SHC4: variants seen among roughly 807,000 people sequenced by gnomAD.
SHC4 encodes the protein SHC-transforming protein 4.
A neutral mutation model predicts 69.4 loss-of-function variants in SHC4; 41 were observed. The observed-to-expected ratio is 0.59, with a 90% CI of 0.46 to 0.77. The LOEUF (loss-of-function observed/expected upper bound fraction) is 0.77, where lower values mean the gene tolerates loss of function less well. Ranked by LOEUF, SHC4 falls within the 30% of genes least tolerant of loss-of-function variation. The probability of loss-of-function intolerance (pLI) is 0.00; values close to 1 mark genes in which losing one functional copy is unlikely to be tolerated. For missense variants in SHC4, 777 were observed against 783.8 expected, an observed-to-expected ratio of 0.99 and a Z score of 0.10; for synonymous variants, 318 against 299.3, an observed-to-expected ratio of 1.06 and a Z score of -0.64.
At chr15:48,907,427 A>C (rs761164949) in intron 2 of SHC4, among the ~76,000 whole-genome samples, 20 of 150,946 alleles carry the variant, frequency 1.3e-4, no homozygotes, top group Non-Finnish European at 1.5e-4. Context: ...TTTTTTTTCC[A>C]TAAGTTATTG....
rs535303372 is a variant in SHC4, at chr15:48,855,501, C to A, written c.1242+452G>T. Among the ~76,000 whole-genome samples the A allele has an allele frequency of 9.2e-5, 14 of 152,054 alleles. 1 individual carries two copies. The South Asian group carries it at 2.9e-3, about 32-fold the overall frequency. On this transcript the variant is annotated intron_variant, in intron 8 of 11. Transcript: ENST00000332408. ...CATTATTAGGTTGGGTTGAGGGAGT[C>A]CAAGTTTTTTGCAGGCAGAAGGAAC...
At chr15:48,858,387 A>G (rs762237537) in intron 6 of SHC4, among the ~76,000 whole-genome samples, 6 of 152,166 alleles carry the variant, frequency 3.9e-5, no homozygotes, top group Non-Finnish European at 8.8e-5. Flanking sequence ...CCATCTTTGA[A>G]ATCCCACTAA....
intron 2 of SHC4, among the ~76,000 whole-genome samples, chr15:48,892,300 A>T (rs2141006849): frequency 6.6e-6 from 1 of 152,204 alleles, no homozygotes; most frequent in African/African-American, 2.4e-5. Flanking sequence ...AGCTCAGATC[A>T]TTTTTTCTAT....
chr15:48,877,632 T>A (rs1462520194), intron 4 of SHC4: 15 of 895,778 alleles, frequency 1.7e-5, no homozygotes, highest in Non-Finnish European at 2.0e-5. Flanking sequence ...ATTTCTTCAC[T>A]ATAACTAAAA....
intron 2 of SHC4, among the ~76,000 whole-genome samples, chr15:48,924,653 T>A (rs1900813806): frequency 6.6e-6 from 1 of 152,234 alleles, no homozygotes; most frequent in South Asian, 2.1e-4. Context: ...TGTATCATCT[T>A]ATTCATCCTC....
chr15:48,923,852 G>T (rs11070662), intron 2 of SHC4, among the ~76,000 whole-genome samples: 1 of 151,580 alleles, frequency 6.6e-6, no homozygotes, highest in Non-Finnish European at 1.5e-5. Flanking sequence ...TGTTGCCCTG[G>T]CTGGTCTCAA....
Position 48,872,119 on chromosome 15 carries a change from C to T in SHC4, c.864G>A (p.Gln288=). Residue 288 remains glutamine (Q), a synonymous_variant, in exon 5 of 12, where the codon CAG becomes CAA. Coordinates refer to ENST00000332408, the MANE Select transcript of SHC4 (RefSeq NM_203349.4). ...CCCCTCCAGAGGCAAATGAAATAGA[C>T]TGCATATGATGATTTGCAATAATCT... is the stretch of plus-strand genomic sequence containing the variant. ...NQQIIANHHM[Q]SISFASGGDP... 3 of 1,593,202 alleles carry T rather than the reference C, an allele frequency of 1.9e-6. No homozygotes were observed. The highest frequency in any genetic ancestry group is 2.6e-6 in the Non-Finnish European group (3 of 1,166,438).
chr15:48,946,223 A>C (rs367552118), intron 1 of SHC4: 7 of 152,196 alleles, frequency 4.6e-5, no homozygotes, highest in African/African-American at 1.7e-4. Context: ...TGACTCACAG[A>C]GTTTCTGCTC....
intron 2 of SHC4, among the ~76,000 whole-genome samples, chr15:48,913,678 A>G (rs1420898438): frequency 6.6e-6 from 1 of 152,046 alleles, no homozygotes; most frequent in Non-Finnish European, 1.5e-5. Flanking sequence ...CTCCCTGTGG[A>G]GTTTTAACCC....
intron 4 of SHC4, among the ~76,000 whole-genome samples, chr15:48,873,077 A>T (rs1785235933): frequency 6.6e-6 from 1 of 151,716 alleles, no homozygotes. Flanking sequence ...TGCCCTGTTC[A>T]TAACAGCCCT....
At chr15:48,955,157 A>C (rs762861957) in intron 1 of SHC4, among the ~76,000 whole-genome samples, 1 of 152,176 alleles carries the variant, frequency 6.6e-6, no homozygotes, top group African/African-American at 2.4e-5. Context: ...AAGACATCCC[A>C]GTATGTTTAC....
chr15:48,854,059 A>G (rs1439781890), intron 8 of SHC4, among the ~76,000 whole-genome samples: 3 of 152,192 alleles, frequency 2.0e-5, no homozygotes, highest in Admixed American at 6.5e-5. Context: ...GGGAGAAAAT[A>G]TTCACAATCA....
chr15:48,842,207 G>A (rs1899005263), intron 10 of SHC4, among the ~76,000 whole-genome samples: 2 of 152,092 alleles, frequency 1.3e-5, no homozygotes, highest in South Asian at 4.1e-4. Context: ...AAAGATGTTT[G>A]TCTTATTGTA....
At chr15:48,924,743 G>A in intron 2 of SHC4, 136 bp downstream of exon 2, 1 of 813,464 alleles carries the variant, frequency 1.2e-6, no homozygotes, top group Non-Finnish European at 2.0e-6. Context: ...AAGGTCACTG[G>A]GCGAGCCTTC....
rs766187762 is a variant in SHC4, at chr15:48,856,015, T to C, written c.1180A>G (p.Lys394Glu). The C allele has an allele frequency of 7.4e-6, 12 of 1,613,860 alleles. No homozygotes were observed. In the East Asian group the frequency reaches 2.5e-4, roughly 33 times the overall value. The change falls in exon 8 of 12, where the codon AAA becomes GAA. Residue 394 changes from lysine to glutamate, a missense_variant. By Grantham distance (56) the Lys-to-Glu change is moderately conservative. Coordinates refer to ENST00000332408, the MANE Select transcript of SHC4 (RefSeq NM_203349.4). ...PVGGVSDMRI[K>E]VQATEQMAYC... ...GCCATTTGTTCCGTGGCTTGAACTT[T>C]GATCCGCATATCTGAAACACCACCT...
chr15:48,853,477 A>T (rs141889358), intron 8 of SHC4, among the ~76,000 whole-genome samples: 1 of 152,152 alleles, frequency 6.6e-6, no homozygotes, highest in African/African-American at 2.4e-5. Flanking sequence ...TTAGAAAAAA[A>T]TACCCAAAAA....
At chr15:48,849,998 T>C (rs1347538876) in intron 9 of SHC4, among the ~76,000 whole-genome samples, 1 of 151,950 alleles carries the variant, frequency 6.6e-6, no homozygotes, top group African/African-American at 2.4e-5. Flanking sequence ...AGGTCAGGAG[T>C]TTGAAGTCAG....
chr15:48,852,707 G>C (rs1206195424), intron 8 of SHC4, among the ~76,000 whole-genome samples: 1 of 152,052 alleles, frequency 6.6e-6, no homozygotes, highest in Non-Finnish European at 1.5e-5. Flanking sequence ...TTTGAGACCA[G>C]CCTCGCCAAC....
At chr15:48,831,830 G>A (rs1424874722) in intron 11 of SHC4, among the ~76,000 whole-genome samples, 1 of 151,986 alleles carries the variant, frequency 6.6e-6, no homozygotes, top group African/African-American at 2.4e-5. Flanking sequence ...AGCAAGCTTT[G>A]TACTTTCATA....
Sources: allele counts gnomAD v4.1 joint callset (sites outside exome capture counted in the v4.1 genomes callset), GRCh38; gene constraint gnomAD v4.1.1; transcripts MANE v1.5; gene names NCBI Gene and HGNC (gene_info 2026-07-23, HGNC 2026-07-21).